Variants in PTTG1IP2 observed in about 807,000 individuals in gnomAD.
The protein encoded by PTTG1IP2 is PTTG1IP family member 2.
intron 1 of PTTG1IP2, among the ~76,000 whole-genome samples, chr7:90,470,542 C>T (rs1797671474): frequency 6.6e-6 from 1 of 152,152 alleles, no homozygotes; most frequent in Non-Finnish European, 1.5e-5. Context: ...GCCATTTTTA[C>T]AAAGACAATG....
At chr7:90,471,446 T>C (rs1038989884) in intron 1 of PTTG1IP2, among the ~76,000 whole-genome samples, 2 of 152,194 alleles carry the variant, frequency 1.3e-5, no homozygotes, top group Non-Finnish European at 2.9e-5. Context: ...TCTCAAGAAA[T>C]TATAGAAAGC....
chr7:90,482,663 C>A (rs1433735271), intron 2 of PTTG1IP2, among the ~76,000 whole-genome samples: 1 of 152,058 alleles, frequency 6.6e-6, no homozygotes, highest in African/African-American at 2.4e-5. Flanking sequence ...GTTATGCATC[C>A]CTGTTGAATC....
intron 1 of PTTG1IP2, among the ~76,000 whole-genome samples, chr7:90,473,436 C>G (rs941854631): frequency 6.6e-6 from 1 of 152,114 alleles, no homozygotes; most frequent in Non-Finnish European, 1.5e-5. Flanking sequence ...AGTGCCAGGG[C>G]AACACATAGG....
intron 6 of PTTG1IP2, among the ~76,000 whole-genome samples, chr7:90,497,201 G>T (rs1798001789): frequency 6.6e-6 from 1 of 152,120 alleles, no homozygotes; most frequent in South Asian, 2.1e-4. Context: ...GGAGGTCAAG[G>T]CAGGAAGATT....
intron 6 of PTTG1IP2, among the ~76,000 whole-genome samples, chr7:90,510,286 GAAAAGAAAAAAC>G (rs1381565207): frequency 1.3e-5 from 2 of 151,744 alleles, no homozygotes; most frequent in African/African-American, 4.8e-5. Flanking sequence ...CATATTATCC[GAAAAGAAAAAAC>G]AAAAGAAAAA....
At chr7:90,470,963 C>CAAAAAAAAAAAAAAAAGAAAAAAAAA (rs1797677765) in intron 1 of PTTG1IP2, among the ~76,000 whole-genome samples, 1 of 108,112 alleles carries the variant, frequency 9.2e-6, no homozygotes, top group Non-Finnish European at 2.0e-5. Context: ...TGATGAAGAA[C>CAAAAAAAAAAAAAAAAGAAAAAAAAA]AAAAAAAAAA....
Position 90,478,216 on chromosome 7 carries a change from AACTTTAGTTT to A in PTTG1IP2, c.146-1009_146-1000del, listed in dbSNP as rs1797774516. 1.3e-5 allele frequency among the ~76,000 whole-genome samples: 2 copies of A among 152,184 alleles called. 1 individual carries two copies. Among genetic ancestry groups the A allele is most frequent in the South Asian group, 4.1e-4 (2 of 4,822 alleles). ...AAATCTGAAATTATACAAAAATAAAAACTTTAGTTTACAAAAAAGCTGTGGGAAGCATGTA... is the reference window on the plus strand; with the variant it reads ...AAATCTGAAATTATACAAAAATAAAAACAAAAAAGCTGTGGGAAGCATGTA... On this transcript the variant is annotated intron_variant, in intron 1 of 6. Coordinates refer to ENST00000509356, the MANE Select transcript of PTTG1IP2 (RefSeq NM_001365443.2).
At chr7:90,498,883 G>T (rs17865078) in intron 6 of PTTG1IP2, among the ~76,000 whole-genome samples, 2 of 152,036 alleles carry the variant, frequency 1.3e-5, no homozygotes, top group East Asian at 3.9e-4. Context: ...ACAGGGTCTC[G>T]CTCTGTCAGC....
chr7:90,471,254 G>A (rs560329020), intron 1 of PTTG1IP2, among the ~76,000 whole-genome samples: 28 of 152,166 alleles, frequency 1.8e-4, no homozygotes, highest in African/African-American at 6.5e-4. Context: ...AACTGAAAAG[G>A]GGCTTCTAAG....
intron 6 of PTTG1IP2, among the ~76,000 whole-genome samples, chr7:90,504,210 A>C (rs1234004523): frequency 6.6e-6 from 1 of 152,020 alleles, no homozygotes; most frequent in East Asian, 1.9e-4. Context: ...TCAGCTACTC[A>C]GGAGGCTGAG....
At chr7:90,476,316 A>G (rs1007205588) in intron 1 of PTTG1IP2, among the ~76,000 whole-genome samples, 9 of 152,230 alleles carry the variant, frequency 5.9e-5, no homozygotes, top group Admixed American at 2.6e-4. Flanking sequence ...TCTGAAATCC[A>G]TATGACACAG....
At chr7:90,488,016 C>CT (rs1277951221) in intron 3 of PTTG1IP2, among the ~76,000 whole-genome samples, 1 of 152,082 alleles carries the variant, frequency 6.6e-6, no homozygotes, top group Admixed American at 6.6e-5. Context: ...ATCAAAGAAT[C>CT]TTTAAGTTAT....
rs1797726741 is a variant in PTTG1IP2 at position 90,474,629 on chromosome 7, G to A, written c.146-4599G>A. Among the ~76,000 whole-genome samples, 3 of 152,162 alleles carry A rather than the reference G, an allele frequency of 2.0e-5. No individual in the cohort carries two copies. In the South Asian group the frequency reaches 6.2e-4, roughly 31 times the overall value. On this transcript the variant is annotated intron_variant, in intron 1 of 6. Transcript: ENST00000509356. ...ATTATCTCAAGAAGCAGGCAGCAGAGGCAACTGCCCCAGGTTAACAGTGAG... is the reference window on the plus strand; with the variant it reads ...ATTATCTCAAGAAGCAGGCAGCAGAAGCAACTGCCCCAGGTTAACAGTGAG...
In PTTG1IP2 at chr7:90,494,420, TTTC is replaced by T. The variant is rs1797970927; in HGVS notation, c.*44_*46del. The stretch of plus-strand genomic sequence containing the variant: ...ATCCTCCAGAAAGAGCAGAAGGAAG[TTTC>T]TTCAATGGTAAGGTTTCAAATTATA... On this transcript the variant is annotated 3_prime_UTR_variant, in exon 6 of 7. Transcript: ENST00000509356. 1.3e-5 allele frequency: 2 copies of T among 152,186 alleles called. No individual in the cohort carries two copies. Among genetic ancestry groups the T allele is most frequent in the African/African-American group, 2.4e-5 (1 of 41,450 alleles). The allele number at this position is 152,186 out of a possible 1,614,324, so 9.4% of individuals were successfully genotyped here.
intron 6 of PTTG1IP2, among the ~76,000 whole-genome samples, chr7:90,495,826 A>T (rs539675381): frequency 4.6e-5 from 7 of 152,358 alleles, no homozygotes; most frequent in African/African-American, 1.7e-4. Flanking sequence ...TGCCCTAGGC[A>T]AACAACAGCA....
intron 6 of PTTG1IP2, among the ~76,000 whole-genome samples, chr7:90,511,039 T>C (rs1446891070): frequency 1.3e-5 from 2 of 152,128 alleles, no homozygotes; most frequent in African/African-American, 4.8e-5. Flanking sequence ...AGTCATCATC[T>C]CTGTGACAAT....
rs1274883270 is a variant in PTTG1IP2, at chr7:90,494,374, T to C, written c.459T>C (p.Asp153=). 1 of 152,222 alleles carries C rather than the reference T, an allele frequency of 6.6e-6. No homozygotes were observed. The highest frequency in any genetic ancestry group is 1.5e-5 in the Non-Finnish European group (1 of 68,028). The allele number at this position is 152,222 out of a possible 1,614,324, so 9.4% of individuals were successfully genotyped here. A position where few individuals can be genotyped will look rare whatever the true frequency, so the allele number is the denominator to read the frequency against. The part of the protein sequence containing the change: ...PIHDRSATVY[D]E ...TATTTTCTCTTCTCATAGTATATGA[T>C]GAATAGATAATTGAAAAGAGATCCT... Residue 153 remains aspartate (D), a synonymous_variant, in exon 6 of 7, where the codon GAT becomes GAC. Coordinates refer to ENST00000509356, the MANE Select transcript of PTTG1IP2 (RefSeq NM_001365443.2).
At chr7:90,472,658 G>A (rs752993543) in intron 1 of PTTG1IP2, among the ~76,000 whole-genome samples, 1 of 152,224 alleles carries the variant, frequency 6.6e-6, no homozygotes, top group African/African-American at 2.4e-5. Flanking sequence ...TCTAGCCTAG[G>A]GGGTACTGTT....
intron 2 of PTTG1IP2, among the ~76,000 whole-genome samples, chr7:90,483,550 A>G (rs1042822236): frequency 6.6e-6 from 1 of 152,026 alleles, no homozygotes; most frequent in Admixed American, 6.6e-5. Flanking sequence ...ACAAAACCAA[A>G]TCTTCTCTTT....
Sources: gnomAD v4.1 joint callset for allele counts (sites outside exome capture counted in the v4.1 genomes callset) on GRCh38, gnomAD v4.1.1 for gene constraint, MANE v1.5 for transcripts, NCBI Gene and HGNC (gene_info 2026-07-23, HGNC 2026-07-21) for gene names.